CLASP1: variants seen among roughly 807,000 people sequenced by gnomAD.
CLASP1 encodes cytoplasmic linker associated protein 1, also known as CLIP-associating protein 1.
In CLASP1, 38 loss-of-function variants were observed where a neutral mutation model predicts 192.3. The observed-to-expected ratio is 0.20, with a 90% CI of 0.15 to 0.26. The LOEUF (loss-of-function observed/expected upper bound fraction) is 0.26, where lower values mean the gene tolerates loss of function less well. CLASP1 is among the 10% of genes least tolerant of loss of function. The pLI, the probability that CLASP1 is intolerant of heterozygous loss-of-function variation, is 1.00. For missense variants in CLASP1, 1,433 were observed against 1,932.5 expected (o/e 0.74, Z 4.85); for synonymous variants, 691 against 712.8 (o/e 0.97, Z 0.49).
At chr2:121,424,481 A>G (rs992113244) in intron 22 of CLASP1, among the ~76,000 whole-genome samples, 1 of 152,238 alleles carries the variant, frequency 6.6e-6, no homozygotes, top group African/African-American at 2.4e-5. Flanking sequence ...ATTATATCAC[A>G]AAGACTTCTA....
intron 5 of CLASP1, 185 bp from the exon 6 acceptor site, chr2:121,526,105 T>G (rs976461529): frequency 1.7e-6 from 1 of 604,624 alleles, no homozygotes; most frequent in African/African-American, 1.9e-5. Flanking sequence ...TGCACAGAGT[T>G]CAAAACCTAG....
chr2:121,448,223 C>T (rs905605130), intron 18 of CLASP1, 53 bp downstream of exon 18: 14 of 1,516,198 alleles, frequency 9.2e-6, no homozygotes, highest in Admixed American at 3.4e-5. Flanking sequence ...TGCAGCTGCA[C>T]GTACAGCCCA....
At chr2:121,495,999 T>C (rs1252687547) in intron 8 of CLASP1, among the ~76,000 whole-genome samples, 2 of 152,208 alleles carry the variant, frequency 1.3e-5, no homozygotes, top group African/African-American at 4.8e-5. Flanking sequence ...AGCTAAAGCA[T>C]TGCAGAGCAG....
intron 8 of CLASP1, chr2:121,470,368 A>T: frequency 2.2e-5 from 10 of 455,302 alleles, no homozygotes; most frequent in Admixed American, 2.8e-5. Flanking sequence ...TGGCCTCTCA[A>T]GGTGCTAGGA....
At chr2:121,438,364 C>A (rs757735401) in intron 19 of CLASP1, among the ~76,000 whole-genome samples, 1 of 152,180 alleles carries the variant, frequency 6.6e-6, no homozygotes, top group Admixed American at 6.5e-5. Flanking sequence ...CTGTTTAAGG[C>A]AAAGTCAAGA....
intron 2 of CLASP1, 104 bp from the exon 3 acceptor site, chr2:121,530,429 C>A: frequency 1.2e-6 from 1 of 812,186 alleles, no homozygotes; most frequent in East Asian, 2.7e-5. Context: ...CAGACGCAGT[C>A]CGAGAGTCCA....
At chr2:121,606,626 G>C (rs2064453196) in intron 1 of CLASP1, among the ~76,000 whole-genome samples, 1 of 152,192 alleles carries the variant, frequency 6.6e-6, no homozygotes. Context: ...AGGCTCTATA[G>C]AAAACACTGT....
intron 23 of CLASP1, among the ~76,000 whole-genome samples, chr2:121,411,774 T>C (rs6736465): frequency 0.14 from 20,653 of 152,184 alleles, 2,002 homozygotes; most frequent in African/African-American, 0.27. Flanking sequence ...TTAAATCAGC[T>C]GACCAACCTT....
Position 121,370,928 on chromosome 2 carries a change from T to C in CLASP1, c.3643-3097A>G, listed in dbSNP as rs114263348. On this transcript the variant is annotated intron_variant, in intron 34 of 39. Transcript: ENST00000263710. ...ACTGAAACAGGACACTGGGTGCCCATCTACAGAACATCATCCACAGGAGGA... is the reference window on the plus strand; with the variant it reads ...ACTGAAACAGGACACTGGGTGCCCACCTACAGAACATCATCCACAGGAGGA... 6.2e-3 allele frequency among the ~76,000 whole-genome samples: 947 copies of C among 152,232 alleles called. 6 individuals are homozygous for C. The highest frequency in any genetic ancestry group is 0.017 in the Middle Eastern group (5 of 294).
At chr2:121,389,761 G>T (rs1558998089) in intron 30 of CLASP1, among the ~76,000 whole-genome samples, 1 of 152,188 alleles carries the variant, frequency 6.6e-6, no homozygotes, top group African/African-American at 2.4e-5. Flanking sequence ...GGCTTTTCAT[G>T]ATGCAAATTA....
chr2:121,637,837 G>C (rs1350179991), intron 1 of CLASP1, among the ~76,000 whole-genome samples: 4 of 151,626 alleles, frequency 2.6e-5, no homozygotes, highest in African/African-American at 9.7e-5. Flanking sequence ...AGTGAGCTGA[G>C]ATTATGCCAC....
intron 18 of CLASP1, 52 bp from the exon 19 acceptor site, chr2:121,447,559 A>G: frequency 7.2e-7 from 1 of 1,383,568 alleles, no homozygotes; most frequent in Non-Finnish European, 9.8e-7. Context: ...AATTTTGAAA[A>G]TACATTGCTA....
intron 7 of CLASP1, among the ~76,000 whole-genome samples, chr2:121,515,116 G>A (rs1290311023): frequency 6.6e-6 from 1 of 152,146 alleles, no homozygotes; most frequent in Non-Finnish European, 1.5e-5. Flanking sequence ...TAAAAATCTG[G>A]ACTATAACAA....
chr2:121,646,801 G>A (rs1287817974), intron 1 of CLASP1, among the ~76,000 whole-genome samples: 1 of 152,010 alleles, frequency 6.6e-6, no homozygotes, highest in African/African-American at 2.4e-5. Flanking sequence ...ACTTTGGGAG[G>A]CTGAGGCAGG....
At chr2:121,567,383 AC>A (rs2059599493) in intron 2 of CLASP1, among the ~76,000 whole-genome samples, 1 of 152,162 alleles carries the variant, frequency 6.6e-6, no homozygotes. Context: ...CCAAAGTGGA[AC>A]TTCTCCAGAC....
intron 32 of CLASP1, among the ~76,000 whole-genome samples, chr2:121,385,112 A>G (rs2072908583): frequency 6.6e-6 from 1 of 152,226 alleles, no homozygotes; most frequent in Non-Finnish European, 1.5e-5. Flanking sequence ...AATTCTATTT[A>G]GTGCAATAAT....
At position 121,624,577 on chromosome 2, in the gene CLASP1, C is replaced by T. The variant is rs373347194; in HGVS notation, c.-285-18397G>A. Among the ~76,000 whole-genome samples the T allele has an allele frequency of 3.4e-4, 51 of 152,182 alleles. No homozygotes were observed. In the South Asian group the frequency reaches 8.7e-3, roughly 26 times the overall value. ...GATTACAGGTACCCACCACCATGCC[C>T]GGCTAATTTTTTGTATTTTTAGTAG... On this transcript the variant is annotated intron_variant, in intron 1 of 39. Coordinates refer to ENST00000263710, the Ensembl canonical transcript of CLASP1.
intron 2 of CLASP1, among the ~76,000 whole-genome samples, chr2:121,589,035 G>T (rs1017397219): frequency 2.6e-5 from 4 of 152,128 alleles, no homozygotes; most frequent in African/African-American, 9.7e-5. Flanking sequence ...GATGTGAGTT[G>T]GGGTCATAAA....
At chr2:121,348,361 T>C in intron 38 of CLASP1, 151 bp downstream of exon 39, 1 of 648,204 alleles carries the variant, frequency 1.5e-6, no homozygotes, top group Non-Finnish European at 2.6e-6. Flanking sequence ...GAGGAGGCTG[T>C]GAAGTGTCCC....
Sources: allele counts gnomAD v4.1 joint callset (sites outside exome capture counted in the v4.1 genomes callset), GRCh38; gene constraint gnomAD v4.1.1; transcripts MANE v1.5; gene names NCBI Gene and HGNC (gene_info 2026-07-23, HGNC 2026-07-21).